The following CYCS variants were observed in gnomAD, a reference collection of about 807,000 sequenced individuals.
CYCS encodes the protein cytochrome c.
For synonymous variants in CYCS, 41 were observed against 43.0 expected (o/e 0.95, Z 0.18); for missense variants, 87 against 125.3 (o/e 0.69, Z 1.46).
At chr7:25,123,920 T>C in intron 2 of CYCS, 31 bp downstream of exon 2, 1 of 1,614,206 alleles carries the variant, frequency 6.2e-7, no homozygotes, top group Non-Finnish European at 8.5e-7. Flanking sequence ...TCCTGCATTT[T>C]GTGTTGTTTT....
rs1783343279 is a variant in CYCS at position 25,120,558 on chromosome 7, T to C, written c.*3143A>G. 2 of 152,246 alleles carry C rather than the reference T, an allele frequency of 1.3e-5. No individual in the cohort carries two copies. The highest frequency in any genetic ancestry group is 4.8e-5 in the African/African-American group (2 of 41,464). The allele number at this position is 152,246 out of a possible 1,614,324, so 9.4% of individuals were successfully genotyped here. A position where few individuals can be genotyped will look rare whatever the true frequency, so the allele number is the denominator to read the frequency against. ...ATTTCAAGGGCTTAACAGCCACATG[T>C]GGTTAGTGGCTACCACACTGGACAG... On this transcript the variant is annotated 3_prime_UTR_variant, in exon 3 of 3. Transcript: ENST00000305786.
In CYCS at chr7:25,119,112, G is replaced by A. The variant is rs1365595962; in HGVS notation, c.*4589C>T. Among the ~76,000 whole-genome samples the A allele has an allele frequency of 6.6e-6, 1 of 152,214 alleles. No homozygotes were observed. The highest frequency in any genetic ancestry group is 1.5e-5 in the Non-Finnish European group (1 of 68,042). ...CCGACAGTGCCTAGAAGAGACTTATGTGGGAGACAAAGTTTCTGGTCAGGT... is the reference window on the plus strand; with the variant it reads ...CCGACAGTGCCTAGAAGAGACTTATATGGGAGACAAAGTTTCTGGTCAGGT... On this transcript the variant is annotated 3_prime_UTR_variant, in exon 3 of 3. Coordinates refer to ENST00000305786, the MANE Select transcript of CYCS (RefSeq NM_018947.6).
In CYCS at chr7:25,122,557, C is replaced by T. The variant is rs1783380411; in HGVS notation, c.*1144G>A. On this transcript the variant is annotated 3_prime_UTR_variant, in exon 3 of 3. Coordinates refer to ENST00000305786, the MANE Select transcript of CYCS (RefSeq NM_018947.6). ...CAGTATGTAATTATACACTGTTACA[C>T]ATCACAAAACTATGACCACAGGCAT... 1 of 152,254 alleles carries T rather than the reference C, an allele frequency of 6.6e-6. No individual in the cohort carries two copies. Among genetic ancestry groups the T allele is most frequent in the South Asian group, 2.1e-4 (1 of 4,836 alleles). 9.4% of individuals were successfully genotyped at this position (152,254 alleles called of 1,614,324 possible). A position where few individuals can be genotyped will look rare whatever the true frequency, so the allele number is the denominator to read the frequency against.
rs974511235 is a variant in CYCS, at chr7:25,121,163, A to G, written c.*2538T>C. On this transcript the variant is annotated 3_prime_UTR_variant, in exon 3 of 3. Transcript: ENST00000305786. ...AAAAAGTTACAGAATCACATTTTAA[A>G]CCACCAGAAGTGCTTGGGTATAACT... 2 of 152,326 alleles carry G rather than the reference A, an allele frequency of 1.3e-5. No homozygotes were observed. Among genetic ancestry groups the G allele is most frequent in the Non-Finnish European group, 2.9e-5 (2 of 68,036 alleles). 9.4% of individuals were successfully genotyped at this position (152,326 alleles called of 1,614,324 possible). A position where few individuals can be genotyped will look rare whatever the true frequency, so the allele number is the denominator to read the frequency against.
Position 25,120,814 on chromosome 7 carries a change from A to G in CYCS, c.*2887T>C, listed in dbSNP as rs918930406. On this transcript the variant is annotated 3_prime_UTR_variant, in exon 3 of 3. Coordinates refer to ENST00000305786, the MANE Select transcript of CYCS (RefSeq NM_018947.6). ...TTCTGAAGGTATATATCCCTGATAG[A>G]AATGTCCTTTTTAAAAAATTACATA... 1 of 152,256 alleles carries G rather than the reference A, an allele frequency of 6.6e-6. No individual in the cohort carries two copies. The highest frequency in any genetic ancestry group is 2.4e-5 in the African/African-American group (1 of 41,466). The allele number at this position is 152,256 out of a possible 1,614,324, so 9.4% of individuals were successfully genotyped here.
rs1385643605 is a variant in CYCS, at chr7:25,118,753, C to G, written c.*4948G>C. On this transcript the variant is annotated 3_prime_UTR_variant, in exon 3 of 3. Coordinates refer to ENST00000305786, the MANE Select transcript of CYCS (RefSeq NM_018947.6). ...CATTACACTAGCCCAGTGGTCCTTTCTGAAACTACACTGTTCAAGTTACAG... is the reference window on the plus strand; with the variant it reads ...CATTACACTAGCCCAGTGGTCCTTTGTGAAACTACACTGTTCAAGTTACAG... 6.6e-6 allele frequency among the ~76,000 whole-genome samples: 1 copy of G among 152,180 alleles called. No individual in the cohort carries two copies. The highest frequency in any genetic ancestry group is 1.5e-5 in the Non-Finnish European group (1 of 68,038).
chr7:25,123,556 A>T lies in CYCS; in HGVS notation c.*145T>A. On this transcript the variant is annotated 3_prime_UTR_variant, in exon 3 of 3. Coordinates refer to ENST00000305786, the MANE Select transcript of CYCS (RefSeq NM_018947.6). ...ATTCATTTAACCACAAGCCAGTCTTAGTTTTAAATCAGGACTGCCCAACAA... is the reference window on the plus strand; with the variant it reads ...ATTCATTTAACCACAAGCCAGTCTTTGTTTTAAATCAGGACTGCCCAACAA... The T allele has an allele frequency of 4.2e-6, 3 of 718,916 alleles. No homozygotes were observed. Among genetic ancestry groups the T allele is most frequent in the East Asian group, 5.3e-5 (2 of 37,844 alleles). 44.5% of individuals were successfully genotyped at this position (718,916 alleles called of 1,614,324 possible). A position where few individuals can be genotyped will look rare whatever the true frequency, so the allele number is the denominator to read the frequency against.
At chr7:25,124,800 C>T (rs138030886) in intron 1 of CYCS, 2 of 153,174 alleles carry the variant, frequency 1.3e-5, no homozygotes, top group Non-Finnish European at 2.9e-5. Context: ...CATGTGCCCA[C>T]GAAAAGAACT....
In CYCS at chr7:25,119,448, A is replaced by G. The variant is rs917392889; in HGVS notation, c.*4253T>C. Among the ~76,000 whole-genome samples the G allele has an allele frequency of 5.9e-5, 9 of 151,716 alleles. No homozygotes were observed. The highest frequency in any genetic ancestry group is 4.4e-5 in the Non-Finnish European group (3 of 67,954). Reference sequence around the variant, plus strand: ...CCGCCACCACGCCCAGCTAGTTTTTATATTTTTGGTAGAGATGGGGTTTCA... The same window carrying G: ...CCGCCACCACGCCCAGCTAGTTTTTGTATTTTTGGTAGAGATGGGGTTTCA... On this transcript the variant is annotated 3_prime_UTR_variant, in exon 3 of 3. Coordinates refer to ENST00000305786, the MANE Select transcript of CYCS (RefSeq NM_018947.6).
In CYCS at chr7:25,120,605, T is replaced by C. The variant is rs1248995358; in HGVS notation, c.*3096A>G. ...ACAGCAAAAGTCTACAAAATATCCA[T>C]CGTCACAGAAAGTTCTATTAGACAG... is the stretch of plus-strand genomic sequence containing the variant. On this transcript the variant is annotated 3_prime_UTR_variant, in exon 3 of 3. Transcript: ENST00000305786. 2 of 152,252 alleles carry C rather than the reference T, an allele frequency of 1.3e-5. No individual in the cohort carries two copies. The highest frequency in any genetic ancestry group is 4.8e-5 in the African/African-American group (2 of 41,462). The allele number at this position is 152,252 out of a possible 1,614,324, so 9.4% of individuals were successfully genotyped here.
At chr7:25,124,273 T>A in intron 1 of CYCS, 146 bp from the exon 2 acceptor site, 1 of 709,910 alleles carries the variant, frequency 1.4e-6, no homozygotes, top group Non-Finnish European at 2.4e-6. Context: ...GCTTTAATAC[T>A]CTTTATACCA....
At position 25,122,962 on chromosome 7, in the gene CYCS, A is replaced by G. The variant is rs1783386244; in HGVS notation, c.*739T>C. On this transcript the variant is annotated 3_prime_UTR_variant, in exon 3 of 3. Transcript: ENST00000305786. ...TTCCCAATCAAATACACAGTTCTAC[A>G]GTTTTGTTTCTGAATGGCTGTTTAA... 2 of 152,356 alleles carry G rather than the reference A, an allele frequency of 1.3e-5. No homozygotes were observed. The highest frequency in any genetic ancestry group is 1.9e-4 in the East Asian group (1 of 5,210). 9.4% of individuals were successfully genotyped at this position (152,356 alleles called of 1,614,324 possible). A position where few individuals can be genotyped will look rare whatever the true frequency, so the allele number is the denominator to read the frequency against.
rs1783352793 is a variant in CYCS, at chr7:25,120,936, C to CTAAAA, written c.*2764_*2765insTTTTA. On this transcript the variant is annotated 3_prime_UTR_variant, in exon 3 of 3. Coordinates refer to ENST00000305786, the MANE Select transcript of CYCS (RefSeq NM_018947.6). ...CGTCGGGAGTTCAAGACCAGCCTGT[C>CTAAAA]CAGCATGGAGAAACCCTGTCTCTAC... 2.6e-5 allele frequency: 4 copies of CTAAAA among 151,620 alleles called. No individual in the cohort carries two copies. The highest frequency in any genetic ancestry group is 9.7e-5 in the African/African-American group (4 of 41,348). The allele number at this position is 151,620 out of a possible 1,614,324, so 9.4% of individuals were successfully genotyped here. A position where few individuals can be genotyped will look rare whatever the true frequency, so the allele number is the denominator to read the frequency against.
rs939585562 is a variant in CYCS, at chr7:25,118,847, C to T, written c.*4854G>A. 6.6e-6 allele frequency among the ~76,000 whole-genome samples: 1 copy of T among 152,118 alleles called. No homozygotes were observed. The highest frequency in any genetic ancestry group is 1.5e-5 in the Non-Finnish European group (1 of 68,030). ...TAACATGTTTAAATGTTCATAGACA[C>T]ATACAACCTGCACTTTTACTCTTTG... On this transcript the variant is annotated 3_prime_UTR_variant, in exon 3 of 3. Transcript: ENST00000305786.
chr7:25,123,884 T>G (rs752500887), intron 2 of CYCS, 35 bp from the exon 3 acceptor site: 4 of 1,614,190 alleles, frequency 2.5e-6, no homozygotes, highest in Non-Finnish European at 3.4e-6. Context: ...TATTTCACAC[T>G]CCTGATAGTT....
At position 25,123,605 on chromosome 7, in the gene CYCS, T is replaced by C. The variant is rs943582626; in HGVS notation, c.*96A>G. ...AAAATATTCTGTCAGTCATTCATGA[T>C]CTGAATTCTGGTGTATGAGATCTAT... is the stretch of plus-strand genomic sequence containing the variant. On this transcript the variant is annotated 3_prime_UTR_variant, in exon 3 of 3. Coordinates refer to ENST00000305786, the MANE Select transcript of CYCS (RefSeq NM_018947.6). 4.0e-5 allele frequency: 43 copies of C among 1,078,686 alleles called. No individual in the cohort carries two copies. Among genetic ancestry groups the C allele is most frequent in the Non-Finnish European group, 5.6e-5 (40 of 712,482 alleles). The allele number at this position is 1,078,686 out of a possible 1,614,324, so 66.8% of individuals were successfully genotyped here.
rs1217970142 is a variant in CYCS, at chr7:25,121,919, C to T, written c.*1782G>A. ...TCCAGCCTTGGCGACACAGCGTGAC[C>T]ATGTCTCAAAAAACAAACTAAACGC... is the stretch of plus-strand genomic sequence containing the variant. On this transcript the variant is annotated 3_prime_UTR_variant, in exon 3 of 3. Coordinates refer to ENST00000305786, the MANE Select transcript of CYCS (RefSeq NM_018947.6). The T allele has an allele frequency of 6.6e-6, 1 of 151,688 alleles. No homozygotes were observed. Among genetic ancestry groups the T allele is most frequent in the East Asian group, 1.9e-4 (1 of 5,132 alleles). The allele number at this position is 151,688 out of a possible 1,614,324, so 9.4% of individuals were successfully genotyped here.
At position 25,123,439 on chromosome 7, in the gene CYCS, T is replaced by C; in HGVS notation, c.*262A>G. ...ACCATCTTTGTGAAAAGTTGAACATTACTAACGAAGTCTAATCATATCTTT... is the reference window on the plus strand; with the variant it reads ...ACCATCTTTGTGAAAAGTTGAACATCACTAACGAAGTCTAATCATATCTTT... On this transcript the variant is annotated 3_prime_UTR_variant, in exon 3 of 3. Coordinates refer to ENST00000305786, the MANE Select transcript of CYCS (RefSeq NM_018947.6). The C allele has an allele frequency of 2.3e-6, 1 of 432,904 alleles. No individual in the cohort carries two copies. The highest frequency in any genetic ancestry group is 4.9e-5 in the East Asian group (1 of 20,598). 26.8% of individuals were successfully genotyped at this position (432,904 alleles called of 1,614,324 possible).
Position 25,124,115 on chromosome 7 carries a change from C to T in CYCS, c.5G>A (p.Gly2Asp), listed in dbSNP as rs563697201. 7 of 1,612,928 alleles carry T rather than the reference C, an allele frequency of 4.3e-6. No homozygotes were observed. Among genetic ancestry groups the T allele is most frequent in the South Asian group, 3.3e-5 (3 of 91,074 alleles). The change falls in exon 2 of 3, where the codon GGT becomes GAT. Residue 2 changes from glycine to aspartate, a missense_variant. By Grantham distance (94) the Gly-to-Asp change is moderately conservative. Coordinates refer to ENST00000305786, the MANE Select transcript of CYCS (RefSeq NM_018947.6). M[G>D]DVEKGKKIFI... The stretch of plus-strand genomic sequence containing the variant: ...AATCTTCTTGCCTTTCTCAACATCA[C>T]CCATATTTAATTCTAAAAACGAAAG...
Sources: allele counts gnomAD v4.1 joint callset (sites outside exome capture counted in the v4.1 genomes callset), GRCh38; gene constraint gnomAD v4.1.1; transcripts MANE v1.5; gene names NCBI Gene and HGNC (gene_info 2026-07-23, HGNC 2026-07-21).